Variants in CPQ observed in about 807,000 individuals in gnomAD.
CPQ encodes the protein carboxypeptidase Q, also known as Ser-Met dipeptidase.
A neutral mutation model predicts 45.7 loss-of-function variants in CPQ; 37 were observed. That is an observed-to-expected ratio of 0.81 (90% CI 0.62 to 1.07). The LOEUF (loss-of-function observed/expected upper bound fraction) is 1.07. Among genes scored for constraint, CPQ ranks in the 50% least tolerant of loss-of-function variants. The pLI, the probability that CPQ is intolerant of heterozygous loss-of-function variation, is 0.00. For missense variants in CPQ, 537 were observed against 572.9 expected, an observed-to-expected ratio of 0.94 and a Z score of 0.64; for synonymous variants, 186 against 205.8, an observed-to-expected ratio of 0.90 and a Z score of 0.82.
chr8:96,779,045 A>G (rs1378092856), intron 1 of CPQ, among the ~76,000 whole-genome samples: 1 of 151,082 alleles, frequency 6.6e-6, no homozygotes, highest in African/African-American at 2.4e-5. Flanking sequence ...AGCCTGAACA[A>G]GAGTAAAACT....
chr8:97,044,100 G>C (rs62508618), intron 6 of CPQ, among the ~76,000 whole-genome samples: 4 of 151,310 alleles, frequency 2.6e-5, no homozygotes, highest in East Asian at 1.9e-4. Flanking sequence ...GTTCCATTCT[G>C]CCTGTCACTT....
chr8:96,787,550 T>A (rs1810787349), intron 2 of CPQ, among the ~76,000 whole-genome samples: 1 of 110,136 alleles, frequency 9.1e-6, no homozygotes, highest in African/African-American at 3.2e-5. Flanking sequence ...TTTTTTTTTT[T>A]TTTTTGTATC....
At chr8:96,748,733 AT>A (rs1428871447) in intron 1 of CPQ, among the ~76,000 whole-genome samples, 8 of 152,316 alleles carry the variant, frequency 5.3e-5, no homozygotes, top group Admixed American at 4.6e-4. Flanking sequence ...CCACATATCA[AT>A]TTAAAAACAA....
chr8:96,701,617 G>C (rs946574653), intron 1 of CPQ, among the ~76,000 whole-genome samples: 1 of 152,168 alleles, frequency 6.6e-6, no homozygotes, highest in African/African-American at 2.4e-5. Context: ...AGATGAGGAG[G>C]CTCCGAAGAG....
intron 1 of CPQ, among the ~76,000 whole-genome samples, chr8:96,672,432 T>G (rs1197659144): frequency 6.6e-6 from 1 of 152,094 alleles, no homozygotes; most frequent in African/African-American, 2.4e-5. Context: ...ATGAGCCAAA[T>G]GGATAAATTA....
chr8:97,039,197 G>A (rs1460670388), intron 6 of CPQ, among the ~76,000 whole-genome samples: 3 of 152,274 alleles, frequency 2.0e-5, no homozygotes, highest in Middle Eastern at 3.4e-3. Context: ...AGAAGTTAAT[G>A]TACTTCCCGA....
chr8:96,764,233 A>AT (rs1810440187), intron 1 of CPQ, among the ~76,000 whole-genome samples: 2 of 152,222 alleles, frequency 1.3e-5, no homozygotes, highest in Non-Finnish European at 2.9e-5. Context: ...CACATGAGTG[A>AT]TTGCAAAATA....
At chr8:96,809,457 G>A (rs971510455) in intron 2 of CPQ, among the ~76,000 whole-genome samples, 1 of 152,146 alleles carries the variant, frequency 6.6e-6, no homozygotes, top group African/African-American at 2.4e-5. Flanking sequence ...CAAGTCTCAA[G>A]TGCATTATGC....
At chr8:96,966,154 C>T in intron 5 of CPQ, 108 bp downstream of exon 5, 1 of 715,014 alleles carries the variant, frequency 1.4e-6, no homozygotes. Flanking sequence ...TTCAAAGATC[C>T]TCTTGAGGTC....
chr8:96,885,782 A>T (rs564711604), intron 4 of CPQ, among the ~76,000 whole-genome samples: 10 of 152,170 alleles, frequency 6.6e-5, no homozygotes, highest in Admixed American at 5.9e-4. Flanking sequence ...AGGTCAGGAG[A>T]TGGAGACCAT....
chr8:97,119,328 C>CAA (rs34998181), intron 7 of CPQ, among the ~76,000 whole-genome samples: 2,919 of 71,678 alleles, frequency 0.041, 90 homozygotes, highest in Admixed American at 0.072. Flanking sequence ...GACTCCATCT[C>CAA]AAAAAAAAAA....
intron 1 of CPQ, among the ~76,000 whole-genome samples, chr8:96,669,464 C>T (rs1351237031): frequency 6.6e-6 from 1 of 152,112 alleles, no homozygotes; most frequent in Non-Finnish European, 1.5e-5. Context: ...TCCATTGCCC[C>T]TGCAGTAGTG....
At chr8:96,661,015 TA>T (rs571211397) in intron 1 of CPQ, among the ~76,000 whole-genome samples, 9 of 152,230 alleles carry the variant, frequency 5.9e-5, no homozygotes, top group Non-Finnish European at 1.3e-4. Context: ...ACATATTCTT[TA>T]TTTCTGTATA....
At chr8:96,891,322 A>G (rs947830762) in intron 4 of CPQ, among the ~76,000 whole-genome samples, 1 of 152,218 alleles carries the variant, frequency 6.6e-6, no homozygotes, top group East Asian at 1.9e-4. Context: ...AAGGTCCAAT[A>G]TAATCGACCT....
chr8:96,834,831 T>C, intron 2 of CPQ, 142 bp from the exon 3 acceptor site: 2 of 607,904 alleles, frequency 3.3e-6, no homozygotes, highest in Non-Finnish European at 5.4e-6. Flanking sequence ...CCTTTTCCCA[T>C]GGTAAATGGC....
rs540520742 is a variant in CPQ at position 96,959,891 on chromosome 8, C to CAA, written c.850-6026_850-6025dup. Among the ~76,000 whole-genome samples the CAA allele has an allele frequency of 8.5e-3, 688 of 80,478 alleles. 8 individuals carry two copies. The highest frequency in any genetic ancestry group is 0.026 in the East Asian group (78 of 3,018). The allele number at this position is 80,478 out of a possible 152,430, so 52.8% of individuals were successfully genotyped here. ...TGCAATTTTTAAAAAATCACAAAAG[C>CAA]AAAAAAAAAAAAAAAAAAACCAAAA... is the stretch of plus-strand genomic sequence containing the variant. On this transcript the variant is annotated intron_variant, in intron 4 of 7. Transcript: ENST00000220763.
At chr8:96,777,177 A>G (rs1195883844) in intron 1 of CPQ, among the ~76,000 whole-genome samples, 1 of 152,100 alleles carries the variant, frequency 6.6e-6, no homozygotes, top group Non-Finnish European at 1.5e-5. Context: ...TCGCAGCATT[A>G]TTTTCATCCC....
chr8:96,982,160 A>G (rs932080011), intron 5 of CPQ, among the ~76,000 whole-genome samples: 1 of 152,204 alleles, frequency 6.6e-6, no homozygotes, highest in Non-Finnish European at 1.5e-5. Flanking sequence ...TGACAAGGCA[A>G]TGTTCATAGT....
rs564872609 is a variant in CPQ at position 96,783,562 on chromosome 8, T to C, written c.-34-1302T>C. The stretch of plus-strand genomic sequence containing the variant: ...AATACATTTTGAAAGTCCAACCTTA[T>C]AATACCGTCACAAGCGCAATTACAT... On this transcript the variant is annotated intron_variant, in intron 1 of 7. Coordinates refer to ENST00000220763, the MANE Select transcript of CPQ (RefSeq NM_016134.4). Among the ~76,000 whole-genome samples the C allele has an allele frequency of 6.6e-5, 10 of 152,232 alleles. No individual in the cohort carries two copies. In the South Asian group the frequency reaches 1.2e-3, roughly 19 times the overall value.
Sources: gnomAD v4.1 joint callset for allele counts (sites outside exome capture counted in the v4.1 genomes callset) on GRCh38, gnomAD v4.1.1 for gene constraint, MANE v1.5 for transcripts, NCBI Gene and HGNC (gene_info 2026-07-23, HGNC 2026-07-21) for gene names.